Variants in GPR176 observed in about 807,000 individuals in gnomAD.
GPR176 encodes G protein-coupled receptor 176, also known as G-protein coupled receptor 176.
GPR176 carries 26 observed loss-of-function variants against 35.4 expected under a neutral mutation model. The observed-to-expected ratio is 0.74, with a 90% CI of 0.54 to 1.02. The LOEUF (loss-of-function observed/expected upper bound fraction) is 1.02, where lower values mean the gene tolerates loss of function less well. Among genes scored for constraint, GPR176 ranks in the 50% least tolerant of loss-of-function variants. The pLI is 0.00. For missense variants in GPR176, 597 were observed against 665.3 expected, an observed-to-expected ratio of 0.90 and a Z score of 1.13; for synonymous variants, 278 against 271.3, an observed-to-expected ratio of 1.02 and a Z score of -0.24.
intron 1 of GPR176, among the ~76,000 whole-genome samples, chr15:39,894,238 G>T (rs1424849412): frequency 1.5e-5 from 2 of 137,360 alleles, no homozygotes; most frequent in African/African-American, 5.5e-5. Flanking sequence ...CCTCCCGGAC[G>T]GGGCGGCTGG....
intron 1 of GPR176, among the ~76,000 whole-genome samples, chr15:39,866,739 C>T (rs1237923666): frequency 6.6e-6 from 1 of 152,132 alleles, no homozygotes; most frequent in Non-Finnish European, 1.5e-5. Flanking sequence ...GTGTAACAAA[C>T]CTGCATGTGT....
chr15:39,910,563 G>GA (rs374203017), intron 1 of GPR176, among the ~76,000 whole-genome samples: 121 of 140,996 alleles, frequency 8.6e-4, no homozygotes, highest in African/African-American at 2.3e-3. Context: ...ATCTCAAAAA[G>GA]AAAAAAAAAA....
chr15:39,855,229 T>C (rs1341508282), intron 1 of GPR176, among the ~76,000 whole-genome samples: 2 of 152,124 alleles, frequency 1.3e-5, no homozygotes, highest in Non-Finnish European at 2.9e-5. Flanking sequence ...AATGACAAAG[T>C]ACATCGCCAA....
At chr15:39,857,744 G>A (rs1043301670) in intron 1 of GPR176, among the ~76,000 whole-genome samples, 9 of 151,990 alleles carry the variant, frequency 5.9e-5, no homozygotes, top group South Asian at 2.1e-4. Context: ...CAAGGCGGGC[G>A]GATCACAAGG....
rs1164929977 is a variant in GPR176 at position 39,829,216 on chromosome 15, C to T, written c.173-21958G>A. ...ACACCTCACAACGCAACCCCCAACACTGAGAACAAAGACCAAAGATGTGTC... is the reference window on the plus strand; with the variant it reads ...ACACCTCACAACGCAACCCCCAACATTGAGAACAAAGACCAAAGATGTGTC... On this transcript the variant is annotated intron_variant, in intron 1 of 2. Transcript: ENST00000561100. The T allele has an allele frequency of 2.6e-6, 4 of 1,514,696 alleles. No homozygotes were observed. The African/African-American group carries it at 5.6e-5, about 21-fold the overall frequency. 93.8% of individuals were successfully genotyped at this position (1,514,696 alleles called of 1,614,324 possible). A position where few individuals can be genotyped will look rare whatever the true frequency, so the allele number is the denominator to read the frequency against.
At chr15:39,806,374 T>C (rs945443045) in intron 2 of GPR176, among the ~76,000 whole-genome samples, 13 of 152,348 alleles carry the variant, frequency 8.5e-5, no homozygotes, top group African/African-American at 3.1e-4. Context: ...AGGCAGGAAT[T>C]TGCTGATTAT....
chr15:39,904,328 A>C (rs2140873139), intron 1 of GPR176, among the ~76,000 whole-genome samples: 1 of 152,348 alleles, frequency 6.6e-6, no homozygotes, highest in Admixed American at 6.5e-5. Context: ...GCTCTGGTTC[A>C]CATGCTTTTG....
chr15:39,821,337 T>C (rs1341109084), intron 1 of GPR176, among the ~76,000 whole-genome samples: 1 of 152,218 alleles, frequency 6.6e-6, no homozygotes, highest in Non-Finnish European at 1.5e-5. Flanking sequence ...TCTCAGTTTG[T>C]AAAATATTGG....
intron 1 of GPR176, among the ~76,000 whole-genome samples, chr15:39,847,720 G>A (rs1206995877): frequency 7.9e-6 from 1 of 127,226 alleles, no homozygotes; most frequent in South Asian, 2.7e-4. Context: ...TCCAGCCTGG[G>A]TGACAAAGCG....
chr15:39,869,564 C>T (rs1595495430), intron 1 of GPR176, among the ~76,000 whole-genome samples: 1 of 152,200 alleles, frequency 6.6e-6, no homozygotes, highest in East Asian at 1.9e-4. Flanking sequence ...TGTACTTCTC[C>T]ATTCCTTATT....
At chr15:39,908,357 C>G (rs2033479710) in intron 1 of GPR176, among the ~76,000 whole-genome samples, 1 of 152,198 alleles carries the variant, frequency 6.6e-6, no homozygotes. Context: ...TCCATTGCAT[C>G]AGGCCCTGCA....
chr15:39,877,093 A>T (rs62002525), intron 1 of GPR176, among the ~76,000 whole-genome samples: 1 of 152,076 alleles, frequency 6.6e-6, no homozygotes, highest in Admixed American at 6.5e-5. Context: ...TCTCATAAGA[A>T]AACCCAATTA....
At chr15:39,821,060 G>A (rs939878920) in intron 1 of GPR176, among the ~76,000 whole-genome samples, 3 of 152,112 alleles carry the variant, frequency 2.0e-5, no homozygotes, top group African/African-American at 4.8e-5. Context: ...ACACAGATAC[G>A]CAGAGAATTC....
At chr15:39,890,661 A>T (rs2032837948) in intron 1 of GPR176, among the ~76,000 whole-genome samples, 1 of 152,248 alleles carries the variant, frequency 6.6e-6, no homozygotes, top group African/African-American at 2.4e-5. Context: ...TTCTAGCTAC[A>T]AATACCACAC....
chr15:39,813,259 T>C (rs886155324), intron 1 of GPR176: 4 of 152,250 alleles, frequency 2.6e-5, no homozygotes, highest in Non-Finnish European at 5.9e-5. Context: ...GAGATCTTTA[T>C]TTCTTTGTGT....
chr15:39,850,760 C>A (rs2030808134), intron 1 of GPR176, among the ~76,000 whole-genome samples: 1 of 152,000 alleles, frequency 6.6e-6, no homozygotes, highest in Non-Finnish European at 1.5e-5. Flanking sequence ...CTATTTCTTA[C>A]ATCTGCATGT....
At chr15:39,905,447 C>A (rs77279345) in intron 1 of GPR176, among the ~76,000 whole-genome samples, 769 of 90,676 alleles carry the variant, frequency 8.5e-3, no homozygotes, top group African/African-American at 9.7e-3. Context: ...CTCGTCTCTA[C>A]AAAAAAAAAA....
At chr15:39,854,772 C>CA (rs1480480267) in intron 1 of GPR176, among the ~76,000 whole-genome samples, 1 of 152,122 alleles carries the variant, frequency 6.6e-6, no homozygotes, top group Non-Finnish European at 1.5e-5. Flanking sequence ...CACAGTGGCT[C>CA]ATACCTGTAA....
At chr15:39,839,863 C>T (rs974648560) in intron 1 of GPR176, among the ~76,000 whole-genome samples, 2 of 152,074 alleles carry the variant, frequency 1.3e-5, no homozygotes, top group South Asian at 4.1e-4. Flanking sequence ...ATGTGGCCAA[C>T]AAACATATGA....
Sources: gnomAD v4.1 joint callset for allele counts (sites outside exome capture counted in the v4.1 genomes callset) on GRCh38, gnomAD v4.1.1 for gene constraint, MANE v1.5 for transcripts, NCBI Gene and HGNC (gene_info 2026-07-23, HGNC 2026-07-21) for gene names.